Variants in ZSCAN18 observed in about 807,000 individuals in gnomAD.
ZSCAN18 encodes the protein zinc finger and SCAN domain-containing protein 18.
A neutral mutation model predicts 31.1 loss-of-function variants in ZSCAN18; 16 were observed. That is an observed-to-expected ratio of 0.51 (90% confidence interval 0.35 to 0.78). The LOEUF (loss-of-function observed/expected upper bound fraction) is 0.78, where lower values mean the gene tolerates loss of function less well. Ranked by LOEUF, ZSCAN18 falls within the 30% of genes least tolerant of loss-of-function variation. ZSCAN18 has a pLI of 0.01. For synonymous variants in ZSCAN18, 375 were observed against 320.7 expected (o/e 1.17, Z -1.81); for missense variants, 731 against 697.4 (o/e 1.05, Z -0.54).
intron 1 of ZSCAN18, chr19:58,092,666 C>T (rs529339193): frequency 2.8e-5 from 28 of 983,064 alleles, no homozygotes; most frequent in South Asian, 2.4e-4. Flanking sequence ...AAGGGAAGTG[C>T]GGAACTCTTA....
rs549791527 is a variant in ZSCAN18, at chr19:58,084,684, C to A, written c.*1G>T. ...CCTCCGGAACGGGACAGCACAGCGG[C>A]TCACCTCTGCGCCTCTGGGGGTGCG... On this transcript the variant is annotated 3_prime_UTR_variant, in exon 7 of 7. Coordinates refer to ENST00000601144, the MANE Select transcript of ZSCAN18 (RefSeq NM_001145543.2). The surrounding 1 kb of genome is among the most constrained non-coding windows in gnomAD (Gnocchi z 4.5). 1.1e-5 allele frequency: 16 copies of A among 1,489,110 alleles called. No homozygotes were observed. The African/African-American group carries it at 2.1e-4, about 20-fold the overall frequency. The allele number at this position is 1,489,110 out of a possible 1,614,324, so 92.2% of individuals were successfully genotyped here. A position where few individuals can be genotyped will look rare whatever the true frequency, so the allele number is the denominator to read the frequency against.
intron 1 of ZSCAN18, among the ~76,000 whole-genome samples, chr19:58,091,037 A>G (rs983536507): frequency 6.6e-6 from 1 of 151,568 alleles, no homozygotes; most frequent in Non-Finnish European, 1.5e-5. Flanking sequence ...TGGAAGGCTG[A>G]GATGGGTGGA....
intron 2 of ZSCAN18, among the ~76,000 whole-genome samples, chr19:58,089,302 CAAAAAAAAAAAAAAAAA>C (rs374086957): frequency 6.6e-4 from 30 of 45,294 alleles, no homozygotes; most frequent in East Asian, 3.3e-3. Flanking sequence ...GACTCCGTCT[CAAAAAAAAAAAAAAAAA>C]AAAAAAAAAA....
rs2145984793 is a variant in ZSCAN18, at chr19:58,090,528, T to C, written c.-119-142A>G. ...TTGTTAGGCATCAGTAGAACCTCAG[T>C]GTTGTACTCATGTAGATAAAAAGTA... On this transcript the variant is annotated intron_variant, in intron 1 of 6. Transcript: ENST00000601144. The surrounding 1 kb of genome is among the most constrained non-coding windows in gnomAD (Gnocchi z 4.7). 1.5e-6 allele frequency: 1 copy of C among 674,130 alleles called. No individual in the cohort carries two copies. The highest frequency in any genetic ancestry group is 2.8e-5 in the East Asian group (1 of 35,498). The allele number at this position is 674,130 out of a possible 1,614,324, so 41.8% of individuals were successfully genotyped here.
At chr19:58,094,822 G>A (rs1416729273) in intron 1 of ZSCAN18, among the ~76,000 whole-genome samples, 3 of 136,710 alleles carry the variant, frequency 2.2e-5, no homozygotes, top group Non-Finnish European at 3.1e-5. Context: ...AGGCTTCAGT[G>A]AGCTGTGATC....
At chr19:58,111,419 T>C (rs1024886902) in intron 1 of ZSCAN18, among the ~76,000 whole-genome samples, 2 of 152,172 alleles carry the variant, frequency 1.3e-5, no homozygotes, top group South Asian at 4.1e-4. Context: ...TGATCACAGC[T>C]CACAGTGGCC....
At chr19:58,104,518 G>A (rs1198000127) in intron 1 of ZSCAN18, among the ~76,000 whole-genome samples, 1 of 151,824 alleles carries the variant, frequency 6.6e-6, no homozygotes, top group African/African-American at 2.4e-5. Flanking sequence ...GGTCAACGTG[G>A]CGAAACCCCA....
chr19:58,094,179 C>T (rs3021372), intron 1 of ZSCAN18, among the ~76,000 whole-genome samples: 29,048 of 150,678 alleles, frequency 0.19, 2,851 homozygotes, highest in African/African-American at 0.24. Context: ...AGGCAGATCA[C>T]GAGGTCAGGA....
At chr19:58,118,118 G>A in intron 1 of ZSCAN18, 1 of 411,108 alleles carries the variant, frequency 2.4e-6, no homozygotes, top group East Asian at 3.7e-5. Context: ...GGCGGAGAGA[G>A]TTCCTCACGC....
intron 1 of ZSCAN18, among the ~76,000 whole-genome samples, chr19:58,110,807 G>T (rs1351021580): frequency 6.6e-6 from 1 of 152,178 alleles, no homozygotes; most frequent in African/African-American, 2.4e-5. Flanking sequence ...GTCTTTAGAT[G>T]TATTTTCATG....
intron 1 of ZSCAN18, among the ~76,000 whole-genome samples, chr19:58,106,253 A>T (rs2074633441): frequency 6.6e-6 from 1 of 152,070 alleles, no homozygotes; most frequent in African/African-American, 2.4e-5. Flanking sequence ...CATAAAAAAA[A>T]TTAGCCAGGC....
intron 1 of ZSCAN18, chr19:58,109,240 A>G: frequency 8.1e-7 from 1 of 1,231,692 alleles, no homozygotes; most frequent in South Asian, 4.1e-5. Context: ...TTTTCACCAA[A>G]TTGGATAGTT....
rs973375493 is a variant in ZSCAN18 at position 58,090,965 on chromosome 19, C to T, written c.-119-579G>A. ...ATTACTTGACAATCTCTATGTAAAC[C>T]TGGATGTAAAAACCTTGAAATAGGC... On this transcript the variant is annotated intron_variant, in intron 1 of 6. Coordinates refer to ENST00000601144, the MANE Select transcript of ZSCAN18 (RefSeq NM_001145543.2). The surrounding 1 kb of genome is among the most constrained non-coding windows in gnomAD (Gnocchi z 4.7). 6.6e-6 allele frequency among the ~76,000 whole-genome samples: 1 copy of T among 151,860 alleles called. No homozygotes were observed. The highest frequency in any genetic ancestry group is 1.5e-5 in the Non-Finnish European group (1 of 67,946).
In ZSCAN18 at chr19:58,084,581, A is replaced by T. The variant is rs909450427; in HGVS notation, c.*104T>A. The T allele has an allele frequency of 1.4e-5, 17 of 1,188,514 alleles. No individual in the cohort carries two copies. Among genetic ancestry groups the T allele is most frequent in the Non-Finnish European group, 1.9e-5 (17 of 891,440 alleles). 73.6% of individuals were successfully genotyped at this position (1,188,514 alleles called of 1,614,324 possible). On this transcript the variant is annotated 3_prime_UTR_variant, in exon 7 of 7. Coordinates refer to ENST00000601144, the MANE Select transcript of ZSCAN18 (RefSeq NM_001145543.2). This position sits in a 1 kb window ranked among gnomAD's most constrained non-coding sequence, Gnocchi z 4.5. ...AGGGCACAGGCAGAGGACGTCCACA[A>T]ACACCACAGGAAGCCGCCACCCAGG...
At chr19:58,110,897 G>A (rs964580768) in intron 1 of ZSCAN18, among the ~76,000 whole-genome samples, 9 of 152,084 alleles carry the variant, frequency 5.9e-5, no homozygotes, top group Admixed American at 2.0e-4. Context: ...GGCCAGGCAC[G>A]GTGGCTCACG....
intron 1 of ZSCAN18, chr19:58,107,901 G>A: frequency 9.3e-7 from 1 of 1,073,902 alleles, no homozygotes. Flanking sequence ...GTCCCTGAAG[G>A]CTTTGCCACA....
chr19:58,089,668 C>T (rs2074370486), intron 2 of ZSCAN18, among the ~76,000 whole-genome samples, 197 bp downstream of exon 2: 1 of 152,222 alleles, frequency 6.6e-6, no homozygotes, highest in Non-Finnish European at 1.5e-5. Context: ...AGAGGCTGGT[C>T]CCTTTCCCTC....
intron 1 of ZSCAN18, among the ~76,000 whole-genome samples, chr19:58,110,203 T>A (rs1203239796): frequency 1.3e-5 from 2 of 152,190 alleles, no homozygotes; most frequent in Admixed American, 6.5e-5. Context: ...CTGAAGTCCC[T>A]TCACTGAGAA....
chr19:58,100,921 A>G (rs2074588099), upstream of ZSCAN18, among the ~76,000 whole-genome samples: 2 of 152,102 alleles, frequency 1.3e-5, no homozygotes, highest in African/African-American at 2.4e-5. Flanking sequence ...TACACCACAG[A>G]TGGCCAATTG....
Sources: allele counts gnomAD v4.1 joint callset (sites outside exome capture counted in the v4.1 genomes callset), GRCh38; gene constraint gnomAD v4.1.1; non-coding constraint Gnocchi (gnomAD v3.1); transcripts MANE v1.5; gene names NCBI Gene and HGNC (gene_info 2026-07-23, HGNC 2026-07-21).